Variants in TBC1D9 observed in about 807,000 individuals in gnomAD.
The protein encoded by TBC1D9 is TBC1 domain family member 9.
Under a neutral mutation model 132.0 loss-of-function variants are expected in TBC1D9, and 63 were observed. That is an observed-to-expected ratio of 0.48 (90% CI 0.39 to 0.59). The LOEUF is 0.59. Among genes scored for constraint, TBC1D9 ranks in the 20% least tolerant of loss-of-function variants. The probability of loss-of-function intolerance (pLI) is 0.00; values close to 1 mark genes in which losing one functional copy is unlikely to be tolerated. For synonymous variants in TBC1D9, 610 were observed against 609.9 expected (o/e 1.00, Z 0.00); for missense variants, 1,261 against 1,592.7 (o/e 0.79, Z 3.54).
intron 2 of TBC1D9, among the ~76,000 whole-genome samples, chr4:140,694,828 TTTC>T (rs1032781597): frequency 6.6e-6 from 1 of 151,590 alleles, no homozygotes; most frequent in African/African-American, 2.4e-5. Flanking sequence ...GGTATTTTGT[TTTC>T]TTTTTTATTC....
At chr4:140,727,761 G>C (rs918186626) in intron 1 of TBC1D9, among the ~76,000 whole-genome samples, 3 of 151,648 alleles carry the variant, frequency 2.0e-5, no homozygotes, top group Non-Finnish European at 2.9e-5. Context: ...GAGTGAACAA[G>C]TGAATAAATG....
At chr4:140,692,723 C>T (rs1457495396) in intron 2 of TBC1D9, among the ~76,000 whole-genome samples, 2 of 152,150 alleles carry the variant, frequency 1.3e-5, no homozygotes, top group African/African-American at 4.8e-5. Context: ...CACTTAACTA[C>T]TGAAATGTCA....
At position 140,729,487 on chromosome 4, in the gene TBC1D9, C is replaced by G. The variant is rs117856229; in HGVS notation, c.130+26429G>C. On this transcript the variant is annotated intron_variant, in intron 1 of 20. Transcript: ENST00000442267. The stretch of plus-strand genomic sequence containing the variant: ...CAGTTCCATGTAACAGGTTGCACTT[C>G]CCTTCCTTTTGATTTTCAAAATAGA... Among the ~76,000 whole-genome samples the G allele has an allele frequency of 4.7e-4, 72 of 152,244 alleles. No individual in the cohort carries two copies. In the East Asian group the frequency reaches 0.013, roughly 27 times the overall value.
At chr4:140,659,566 T>C in intron 11 of TBC1D9, 22 bp downstream of exon 11, 4 of 1,501,634 alleles carry the variant, frequency 2.7e-6, no homozygotes, top group Non-Finnish European at 3.6e-6. Context: ...TAGGTTGAAA[T>C]GTTAAATGCA....
intron 9 of TBC1D9, among the ~76,000 whole-genome samples, chr4:140,666,176 A>T (rs1737440868): frequency 6.6e-6 from 1 of 152,218 alleles, no homozygotes; most frequent in South Asian, 2.1e-4. Context: ...CCTTGAACAC[A>T]GTATGCTATG....
At chr4:140,679,456 A>T (rs1737672971) in intron 4 of TBC1D9, among the ~76,000 whole-genome samples, 159 bp downstream of exon 4, 1 of 152,002 alleles carries the variant, frequency 6.6e-6, no homozygotes, top group East Asian at 1.9e-4. Flanking sequence ...ACCATTTTGA[A>T]CTGAAAAATA....
intron 13 of TBC1D9, chr4:140,642,147 G>T: frequency 1.3e-6 from 1 of 765,600 alleles, no homozygotes; most frequent in East Asian, 2.5e-5. Flanking sequence ...GCTGTCCTTT[G>T]CCACCATGCC....
At chr4:140,753,128 C>G (rs1738951163) in intron 1 of TBC1D9, among the ~76,000 whole-genome samples, 1 of 152,200 alleles carries the variant, frequency 6.6e-6, no homozygotes, top group Non-Finnish European at 1.5e-5. Flanking sequence ...CATCACTTAA[C>G]TGGGACTAAC....
At chr4:140,653,884 T>C (rs1461736282) in intron 13 of TBC1D9, among the ~76,000 whole-genome samples, 1 of 152,182 alleles carries the variant, frequency 6.6e-6, no homozygotes, top group Non-Finnish European at 1.5e-5. Context: ...AGGGCCACCA[T>C]TAGGGATCAG....
intron 13 of TBC1D9, among the ~76,000 whole-genome samples, chr4:140,641,436 A>G (rs1251216635): frequency 2.0e-5 from 3 of 152,264 alleles, no homozygotes; most frequent in African/African-American, 7.2e-5. Flanking sequence ...TGTTGTTAAA[A>G]ATGAACTCAG....
intron 2 of TBC1D9, among the ~76,000 whole-genome samples, chr4:140,695,801 G>A (rs1737946025): frequency 6.6e-6 from 1 of 152,150 alleles, no homozygotes. Flanking sequence ...AGAGCTGCTG[G>A]TAGCATATCT....
At chr4:140,708,855 G>T (rs1382380808) in intron 1 of TBC1D9, among the ~76,000 whole-genome samples, 1 of 152,148 alleles carries the variant, frequency 6.6e-6, no homozygotes, top group Admixed American at 6.6e-5. Flanking sequence ...GTATTGTTCT[G>T]TTCCGTGACC....
chr4:140,703,791 A>G (rs927134448), intron 1 of TBC1D9, among the ~76,000 whole-genome samples: 1 of 152,236 alleles, frequency 6.6e-6, no homozygotes, highest in African/African-American at 2.4e-5. Context: ...TACATTAAAA[A>G]TGAAATTCTT....
chr4:140,680,173 T>C (rs1311692301), intron 3 of TBC1D9, among the ~76,000 whole-genome samples: 1 of 152,308 alleles, frequency 6.6e-6, no homozygotes, highest in East Asian at 1.9e-4. Flanking sequence ...TATGGTAGAA[T>C]TGTCTCAAAA....
Position 140,675,405 on chromosome 4 carries a change from G to T in TBC1D9, c.1059+1489C>A, listed in dbSNP as rs150933513. On this transcript the variant is annotated intron_variant, in intron 6 of 20. Transcript: ENST00000442267. ...CCTGATCAAATACCCAAAGCCTCTGGCCACCTTAGCTTCCAGAAAGGACCA... is the reference window on the plus strand; with the variant it reads ...CCTGATCAAATACCCAAAGCCTCTGTCCACCTTAGCTTCCAGAAAGGACCA... Among the ~76,000 whole-genome samples, 67 of 152,216 alleles carry T rather than the reference G, an allele frequency of 4.4e-4. No individual in the cohort carries two copies. In the East Asian group the frequency reaches 0.013, roughly 29 times the overall value.
intron 3 of TBC1D9, among the ~76,000 whole-genome samples, chr4:140,681,289 T>C (rs531128323): frequency 6.6e-6 from 1 of 152,336 alleles, no homozygotes; most frequent in African/African-American, 2.4e-5. Context: ...TCAAAGTCTC[T>C]TGTGAGCCTT....
At chr4:140,661,785 G>T in intron 10 of TBC1D9, 108 bp downstream of exon 10, 1 of 929,060 alleles carries the variant, frequency 1.1e-6, no homozygotes, top group Non-Finnish European at 1.7e-6. Context: ...GAGAGGCCCT[G>T]GTAAAGTGAT....
Position 140,699,918 on chromosome 4 carries a change from C to CA in TBC1D9, c.241+1585dup, listed in dbSNP as rs1257641866. On this transcript the variant is annotated intron_variant, in intron 2 of 20. Coordinates refer to ENST00000442267, the MANE Select transcript of TBC1D9 (RefSeq NM_015130.3). The stretch of plus-strand genomic sequence containing the variant: ...AACTTTCCTGTAAATCAAGTAGAGG[C>CA]AAAAAAATAAAAGTTAAAAAAAGTG... 1.1e-4 allele frequency among the ~76,000 whole-genome samples: 16 copies of CA among 151,432 alleles called. No individual in the cohort carries two copies. In the East Asian group the frequency reaches 2.3e-3, roughly 22 times the overall value.
intron 13 of TBC1D9, among the ~76,000 whole-genome samples, chr4:140,649,273 TA>T (rs1481700305): frequency 1.3e-5 from 2 of 152,262 alleles, no homozygotes; most frequent in African/African-American, 4.8e-5. Context: ...GCATTGGTTC[TA>T]ATATGCAAAG....
Sources: gnomAD v4.1 joint callset for allele counts (sites outside exome capture counted in the v4.1 genomes callset) on GRCh38, gnomAD v4.1.1 for gene constraint, MANE v1.5 for transcripts, NCBI Gene and HGNC (gene_info 2026-07-23, HGNC 2026-07-21) for gene names.